The following FAM107B variants were observed in gnomAD, a reference collection of about 807,000 sequenced individuals.
FAM107B encodes the protein family with sequence similarity 107 member B, also known as protein FAM107B.
In FAM107B, 21 loss-of-function variants were observed where a neutral mutation model predicts 31.5. That is an observed-to-expected ratio of 0.67 (90% confidence interval 0.47 to 0.96). FAM107B has a LOEUF of 0.96. Among genes scored for constraint, FAM107B ranks in the 40% least tolerant of loss-of-function variants. The pLI is 0.00. For missense variants in FAM107B, 452 were observed against 377.1 expected (o/e 1.20, Z -1.64); for synonymous variants, 157 against 141.5 (o/e 1.11, Z -0.78).
intron 1 of FAM107B, among the ~76,000 whole-genome samples, chr10:14,668,971 A>T (rs1181960176): frequency 5.9e-5 from 9 of 152,202 alleles, no homozygotes; most frequent in Non-Finnish European, 1.0e-4. Context: ...GGTATTATTC[A>T]TTATAGGAAT....
In FAM107B at chr10:14,656,542, AC is replaced by A. The variant is rs766979801; in HGVS notation, c.469+11091del. Among the ~76,000 whole-genome samples, 8 of 152,310 alleles carry A rather than the reference AC, an allele frequency of 5.3e-5. No homozygotes were observed. In the East Asian group the frequency reaches 1.5e-3, roughly 29 times the overall value. The stretch of plus-strand genomic sequence containing the variant: ...GACATTCGGGTTCCTGGCATGCAAT[AC>A]AAGTTCTTCTTTTTATACCAATGTG... On this transcript the variant is annotated intron_variant, in intron 2 of 4. Coordinates refer to ENST00000181796, the MANE Select transcript of FAM107B (RefSeq NM_031453.4).
At chr10:14,705,282 G>A (rs1466686364) in intron 1 of FAM107B, among the ~76,000 whole-genome samples, 1 of 152,102 alleles carries the variant, frequency 6.6e-6, no homozygotes, top group Non-Finnish European at 1.5e-5. Flanking sequence ...AATGGTGCAG[G>A]TGCTATAGAA....
intron 1 of FAM107B, among the ~76,000 whole-genome samples, chr10:14,761,034 A>AAAAAAAAAAAAAAAAAAAAAAAAAAAC (rs1554757192): frequency 6.8e-6 from 1 of 146,634 alleles, no homozygotes; most frequent in Non-Finnish European, 1.5e-5. Flanking sequence ...AAAAAAAAAA[A>AAAAAAAAAAAAAAAAAAAAAAAAAAAC]AAGAAAGACA....
intron 1 of FAM107B, among the ~76,000 whole-genome samples, chr10:14,685,050 A>G (rs952095697): frequency 3.3e-5 from 5 of 151,978 alleles, no homozygotes; most frequent in African/African-American, 1.2e-4. Flanking sequence ...CAGGGTGCCC[A>G]GGGTGGTCTC....
intron 2 of FAM107B, among the ~76,000 whole-genome samples, chr10:14,546,058 C>G (rs535133119): frequency 6.6e-6 from 1 of 152,252 alleles, no homozygotes; most frequent in South Asian, 2.1e-4. Flanking sequence ...CCTGGCCCAA[C>G]TGGCCAAACA....
chr10:14,701,329 C>T (rs1855393852), intron 1 of FAM107B, among the ~76,000 whole-genome samples: 1 of 151,786 alleles, frequency 6.6e-6, no homozygotes, highest in African/African-American at 2.4e-5. Flanking sequence ...ACTGCAACCT[C>T]CACCTCCCAG....
At chr10:14,681,054 T>C (rs7919661) in intron 1 of FAM107B, among the ~76,000 whole-genome samples, 100,916 of 152,104 alleles carry the variant, frequency 0.66, 33,987 homozygotes, top group South Asian at 0.74. Context: ...ACCTTCACTG[T>C]GTAGAATGCT....
chr10:14,604,409 G>C (rs1852524032), intron 2 of FAM107B: 1 of 208,596 alleles, frequency 4.8e-6, no homozygotes, highest in African/African-American at 2.4e-5. Context: ...CTCGCTCCCC[G>C]CGGCCCCGCG....
intron 4 of FAM107B, 60 bp from the exon 5 acceptor site, chr10:14,521,366 C>G: frequency 7.3e-7 from 1 of 1,376,112 alleles, no homozygotes; most frequent in Non-Finnish European, 1.0e-6. Context: ...TCAAAATACT[C>G]TTCTCTCTTT....
At chr10:14,559,936 G>A (rs1189041724) in intron 2 of FAM107B, among the ~76,000 whole-genome samples, 1 of 152,108 alleles carries the variant, frequency 6.6e-6, no homozygotes, top group East Asian at 1.9e-4. Flanking sequence ...AATGTGGAGA[G>A]AATAATACTA....
At chr10:14,750,939 T>A in intron 1 of FAM107B, among the ~76,000 whole-genome samples, 1 of 152,070 alleles carries the variant, frequency 6.6e-6, no homozygotes, top group Non-Finnish European at 1.5e-5. Flanking sequence ...CCATGAGGAA[T>A]CAGGGGTGGG....
intron 1 of FAM107B, among the ~76,000 whole-genome samples, chr10:14,724,575 G>T (rs1855985921): frequency 6.6e-6 from 1 of 152,080 alleles, no homozygotes. Flanking sequence ...CCAGTTCACT[G>T]TTAACCTTAT....
chr10:14,771,317 T>C (rs1008164669), intron 1 of FAM107B, among the ~76,000 whole-genome samples: 1 of 152,194 alleles, frequency 6.6e-6, no homozygotes, highest in Non-Finnish European at 1.5e-5. Context: ...AGCATATGAA[T>C]AAAAACAAAT....
chr10:14,600,523 GC>G (rs1322379976), intron 2 of FAM107B, among the ~76,000 whole-genome samples: 1 of 151,868 alleles, frequency 6.6e-6, no homozygotes, highest in Non-Finnish European at 1.5e-5. Context: ...ACCTTCAATG[GC>G]ATTGACATCA....
intron 2 of FAM107B, among the ~76,000 whole-genome samples, chr10:14,593,360 A>C (rs1008728507): frequency 7.9e-5 from 12 of 152,278 alleles, no homozygotes; most frequent in Non-Finnish European, 1.5e-4. Context: ...TTCTACCAGC[A>C]ACCAGGGGTA....
intron 1 of FAM107B, among the ~76,000 whole-genome samples, chr10:14,773,123 A>T (rs1316618590): frequency 6.6e-6 from 1 of 152,300 alleles, no homozygotes; most frequent in African/African-American, 2.4e-5. Context: ...AGAAAAAAAC[A>T]TAGCAGTTTT....
At chr10:14,692,597 C>T (rs1247049144) in intron 1 of FAM107B, among the ~76,000 whole-genome samples, 1 of 152,200 alleles carries the variant, frequency 6.6e-6, no homozygotes, top group Non-Finnish European at 1.5e-5. Context: ...ACTGAACATA[C>T]CCGTTTGTCA....
At chr10:14,553,380 G>A in intron 2 of FAM107B, 1 of 1,278,366 alleles carries the variant, frequency 7.8e-7, no homozygotes, top group South Asian at 1.3e-5. Flanking sequence ...AGTTTCAACT[G>A]CATTCTCCTT....
At chr10:14,624,403 G>A (rs1370764654) in intron 2 of FAM107B, among the ~76,000 whole-genome samples, 1 of 152,160 alleles carries the variant, frequency 6.6e-6, no homozygotes, top group Non-Finnish European at 1.5e-5. Context: ...CTGGGAGGCT[G>A]AGGAGGGTGG....
Sources: gnomAD v4.1 joint callset for allele counts (sites outside exome capture counted in the v4.1 genomes callset) on GRCh38, gnomAD v4.1.1 for gene constraint, MANE v1.5 for transcripts, NCBI Gene and HGNC (gene_info 2026-07-23, HGNC 2026-07-21) for gene names.